Variants in F10 observed in about 807,000 individuals in gnomAD.
F10 encodes the protein Stuart-Prower factor.
In F10, 29 loss-of-function variants were observed where a neutral mutation model predicts 37.1. That is an observed-to-expected ratio of 0.78 (90% CI 0.58 to 1.07). The LOEUF is 1.07. F10 is among the 50% of genes least tolerant of loss of function. F10 has a pLI of 0.00. For missense variants in F10, 539 were observed against 667.9 expected (o/e 0.81, Z 2.13); for synonymous variants, 262 against 268.6 (o/e 0.98, Z 0.24).
At chr13:113,148,635 G>T (rs559477206) in intron 7 of F10, among the ~76,000 whole-genome samples, 1 of 152,122 alleles carries the variant, frequency 6.6e-6, no homozygotes, top group South Asian at 2.1e-4. Context: ...CGCCTCGTTG[G>T]TGCCCACGAC....
At chr13:113,147,742 G>A (rs766232226) in intron 7 of F10, among the ~76,000 whole-genome samples, 31 of 152,148 alleles carry the variant, frequency 2.0e-4, no homozygotes, top group Non-Finnish European at 2.8e-4. Flanking sequence ...TCCAGGTCTC[G>A]GGTCTCCGAG....
In F10 at chr13:113,145,580, A is replaced by ATTT. The variant is rs1566921370; in HGVS notation, c.747+1485_747+1486insTTT. On this transcript the variant is annotated intron_variant, in intron 6 of 7. Coordinates refer to ENST00000375559, the MANE Select transcript of F10 (RefSeq NM_000504.4). ...TCAAGTCAAACTAGGTGTATTAGTC[A>ATTT]GTTTTCACACTGCTGACACATACAT... 2.0e-5 allele frequency among the ~76,000 whole-genome samples: 3 copies of ATTT among 152,334 alleles called. No individual in the cohort carries two copies. In the East Asian group the frequency reaches 5.8e-4, roughly 29 times the overall value.
In F10 at chr13:113,135,052, C is replaced by A. The variant is rs978730170; in HGVS notation, c.232-3405C>A. Among the ~76,000 whole-genome samples, 3 of 151,898 alleles carry A rather than the reference C, an allele frequency of 2.0e-5. No individual in the cohort carries two copies. The South Asian group carries it at 6.3e-4, about 32-fold the overall frequency. ...GGTCGGGAGTTCGAGACCAGCCTGG[C>A]CAACATGGTGAAACCCCGTCTCTAC... On this transcript the variant is annotated intron_variant, in intron 2 of 7. Transcript: ENST00000375559.
Position 113,143,768 on chromosome 13 carries a change from A to G in F10, c.503-83A>G. On this transcript the variant is annotated intron_variant, in intron 5 of 7. Transcript: ENST00000375559. This position sits in a 1 kb window ranked among gnomAD's most constrained non-coding sequence, Gnocchi z 6.8. ...CTGCGCTCTGCCTCCCGGCTCTCTGACTCTTCTCCCTCAGGGTGAGCTGTG... is the reference window on the plus strand; with the variant it reads ...CTGCGCTCTGCCTCCCGGCTCTCTGGCTCTTCTCCCTCAGGGTGAGCTGTG... The G allele has an allele frequency of 6.3e-7, 1 of 1,589,858 alleles. No individual in the cohort carries two copies. The highest frequency in any genetic ancestry group is 8.5e-7 in the Non-Finnish European group (1 of 1,173,734).
At chr13:113,126,793 A>G (rs896231261) in intron 1 of F10, among the ~76,000 whole-genome samples, 1 of 152,186 alleles carries the variant, frequency 6.6e-6, no homozygotes. Flanking sequence ...CCAGGCTTGG[A>G]TAACTTGTCT....
chr13:113,140,332 C>T (rs1361755548), intron 4 of F10, among the ~76,000 whole-genome samples: 4 of 152,014 alleles, frequency 2.6e-5, no homozygotes, highest in Middle Eastern at 3.2e-3. Context: ...CCGCCCGCTT[C>T]GACCTCCCAA....
rs956775362 is a variant in F10, at chr13:113,139,736, A to G, written c.370+266A>G. On this transcript the variant is annotated intron_variant, in intron 4 of 7. Transcript: ENST00000375559. This position sits in a 1 kb window ranked among gnomAD's most constrained non-coding sequence, Gnocchi z 5.2. ...CTCCGAGAGAGACTGTAGAACATTG[A>G]TGAAGCGTGTGATCCATTCATGTGT... is the stretch of plus-strand genomic sequence containing the variant. 4.6e-5 allele frequency among the ~76,000 whole-genome samples: 7 copies of G among 151,904 alleles called. No individual in the cohort carries two copies. The highest frequency in any genetic ancestry group is 1.7e-4 in the African/African-American group (7 of 41,348).
At chr13:113,142,208 G>T (rs56284652) in intron 5 of F10, among the ~76,000 whole-genome samples, 24 of 152,230 alleles carry the variant, frequency 1.6e-4, no homozygotes, top group Non-Finnish European at 2.9e-4. Context: ...ACATACACAC[G>T]AATATTTTTT....
chr13:113,124,616 C>T (rs186409096), intron 1 of F10, among the ~76,000 whole-genome samples: 40 of 152,342 alleles, frequency 2.6e-4, no homozygotes, highest in Middle Eastern at 3.4e-3. Flanking sequence ...CTGCTGTGCA[C>T]ACTTTTGATT....
In F10 at chr13:113,141,255, T is replaced by C. The variant is rs987277481; in HGVS notation, c.502+205T>C. ...ATGAGGTTTGGAAACAGACCCATTA[T>C]TTCTGTAAGCCAGATCTGCTGTTTA... On this transcript the variant is annotated intron_variant, in intron 5 of 7. Coordinates refer to ENST00000375559, the MANE Select transcript of F10 (RefSeq NM_000504.4). The surrounding 1 kb of genome is among the most constrained non-coding windows in gnomAD (Gnocchi z 5.4). 6.6e-6 allele frequency among the ~76,000 whole-genome samples: 1 copy of C among 152,222 alleles called. No homozygotes were observed. Among genetic ancestry groups the C allele is most frequent in the African/African-American group, 2.4e-5 (1 of 41,462 alleles).
In F10 at chr13:113,141,817, A is replaced by T. The variant is rs2036530619; in HGVS notation, c.502+767A>T. On this transcript the variant is annotated intron_variant, in intron 5 of 7. Coordinates refer to ENST00000375559, the MANE Select transcript of F10 (RefSeq NM_000504.4). This position sits in a 1 kb window ranked among gnomAD's most constrained non-coding sequence, Gnocchi z 5.4. ...TGGCCCGACCCGCAGCGTTGGCCTC[A>T]CCCGGGGGCATATTCGAAGGGCAGA... 6.6e-6 allele frequency among the ~76,000 whole-genome samples: 1 copy of T among 152,084 alleles called. No homozygotes were observed. The highest frequency in any genetic ancestry group is 1.5e-5 in the Non-Finnish European group (1 of 68,012).
chr13:113,135,257 A>AG (rs199856414), intron 2 of F10, among the ~76,000 whole-genome samples: 1 of 151,982 alleles, frequency 6.6e-6, no homozygotes, highest in Non-Finnish European at 1.5e-5. Context: ...AAAAAAAAAA[A>AG]CAAAAGAAAA....
At position 113,144,427 on chromosome 13, in the gene F10, G is replaced by A. The variant is rs1276269798; in HGVS notation, c.747+332G>A. Among the ~76,000 whole-genome samples the A allele has an allele frequency of 1.3e-5, 2 of 152,206 alleles. No individual in the cohort carries two copies. The highest frequency in any genetic ancestry group is 2.4e-5 in the African/African-American group (1 of 41,452). ...GTGAAACAGAAGAGAGGGAGAAGGC[G>A]CAGCCACACGCTCAAGTGTCCTCAA... On this transcript the variant is annotated intron_variant, in intron 6 of 7. Coordinates refer to ENST00000375559, the MANE Select transcript of F10 (RefSeq NM_000504.4). The surrounding 1 kb of genome is among the most constrained non-coding windows in gnomAD (Gnocchi z 6.4).
chr13:113,127,529 G>A (rs1002896388), intron 1 of F10, among the ~76,000 whole-genome samples: 3 of 152,176 alleles, frequency 2.0e-5, no homozygotes, highest in African/African-American at 7.2e-5. Context: ...GACACAGGCA[G>A]AGAGATGTGG....
chr13:113,139,298 T>C lies in F10; in HGVS notation c.257-59T>C. The stretch of plus-strand genomic sequence containing the variant: ...AGGGCCAAGGTTAGCACAGCAAAAC[T>C]GTTTCCATGATGCCGGAAACAGCTT... On this transcript the variant is annotated intron_variant, in intron 3 of 7. Transcript: ENST00000375559. This position sits in a 1 kb window ranked among gnomAD's most constrained non-coding sequence, Gnocchi z 5.2. 5 of 1,441,366 alleles carry C rather than the reference T, an allele frequency of 3.5e-6. No individual in the cohort carries two copies. Among genetic ancestry groups the C allele is most frequent in the Non-Finnish European group, 2.9e-6 (3 of 1,027,140 alleles). 89.3% of individuals were successfully genotyped at this position (1,441,366 alleles called of 1,614,324 possible).
rs1375102814 is a variant in F10 at position 113,143,837 on chromosome 13, C to A, written c.503-14C>A. 6.2e-6 allele frequency: 10 copies of A among 1,611,328 alleles called. No individual in the cohort carries two copies. Among genetic ancestry groups the A allele is most frequent in the Non-Finnish European group, 5.9e-6 (7 of 1,180,000 alleles). On this transcript the variant is annotated splice_polypyrimidine_tract_variant and intron_variant, in intron 5 of 7. Transcript: ENST00000375559. The surrounding 1 kb of genome is among the most constrained non-coding windows in gnomAD (Gnocchi z 6.8). ...TCTCTGTGCTGAAGGCCCCGGCCGT[C>A]CTCTTTCTTTCAGGGCCCTACCCCT... is the stretch of plus-strand genomic sequence containing the variant.
chr13:113,139,566 T>A lies in F10; in HGVS notation c.370+96T>A. 2 of 904,104 alleles carry A rather than the reference T, an allele frequency of 2.2e-6. No individual in the cohort carries two copies. Among genetic ancestry groups the A allele is most frequent in the Non-Finnish European group, 3.6e-6 (2 of 556,114 alleles). The allele number at this position is 904,104 out of a possible 1,614,324, so 56.0% of individuals were successfully genotyped here. ...GTGAAAACGCCTAATGAAACAATCT[T>A]AAGTCATTTCTGATTTACAAAGTCT... On this transcript the variant is annotated intron_variant, in intron 4 of 7. Coordinates refer to ENST00000375559, the MANE Select transcript of F10 (RefSeq NM_000504.4). The surrounding 1 kb of genome is among the most constrained non-coding windows in gnomAD (Gnocchi z 5.2).
intron 4 of F10, among the ~76,000 whole-genome samples, chr13:113,140,122 A>G (rs1262152103): frequency 1.7e-4 from 23 of 139,070 alleles, no homozygotes; most frequent in Non-Finnish European, 1.4e-4. Flanking sequence ...GGCCCAGGCT[A>G]GAGTGCAGTG....
At position 113,144,211 on chromosome 13, in the gene F10, A is replaced by G. The variant is rs2036560008; in HGVS notation, c.747+116A>G. On this transcript the variant is annotated intron_variant, in intron 6 of 7. Transcript: ENST00000375559. This position sits in a 1 kb window ranked among gnomAD's most constrained non-coding sequence, Gnocchi z 6.4. ...ATCCGGGAAGGAACTGTTCCGAACTAGGACAGAGGGGCTCCGCCACCCAAG... is the reference window on the plus strand; with the variant it reads ...ATCCGGGAAGGAACTGTTCCGAACTGGGACAGAGGGGCTCCGCCACCCAAG... The G allele has an allele frequency of 6.6e-7, 1 of 1,509,932 alleles. No homozygotes were observed. The highest frequency in any genetic ancestry group is 2.3e-5 in the East Asian group (1 of 42,968). The allele number at this position is 1,509,932 out of a possible 1,614,324, so 93.5% of individuals were successfully genotyped here. A position where few individuals can be genotyped will look rare whatever the true frequency, so the allele number is the denominator to read the frequency against.
Sources: gnomAD v4.1 joint callset for allele counts (sites outside exome capture counted in the v4.1 genomes callset) on GRCh38, gnomAD v4.1.1 for gene constraint, Gnocchi (gnomAD v3.1) non-coding constraint, MANE v1.5 for transcripts, NCBI Gene and HGNC (gene_info 2026-07-23, HGNC 2026-07-21) for gene names.